AGAP1: variants seen among roughly 807,000 people sequenced by gnomAD.
AGAP1 encodes the protein arf-GAP with GTPase, ANK repeat and PH domain-containing protein 1.
A neutral mutation model predicts 105.3 loss-of-function variants in AGAP1; 29 were observed. That is an observed-to-expected ratio of 0.28 (90% CI 0.21 to 0.38). AGAP1 has a LOEUF of 0.38. Among genes scored for constraint, AGAP1 ranks in the 10% least tolerant of loss-of-function variants. The pLI is 1.00. For synonymous variants in AGAP1, 509 were observed against 485.9 expected, an observed-to-expected ratio of 1.05 and a Z score of -0.63; for missense variants, 998 against 1,165.1, an observed-to-expected ratio of 0.86 and a Z score of 2.09.
Position 235,983,629 on chromosome 2 carries a change from A to G in AGAP1, c.1645+15006A>G. On this transcript the variant is annotated intron_variant, in intron 13 of 17. Coordinates refer to ENST00000304032, the MANE Select transcript of AGAP1 (RefSeq NM_001037131.3). This position sits in a 1 kb window ranked among gnomAD's most constrained non-coding sequence, Gnocchi z 4.5. Reference sequence around the variant, plus strand: ...AGTAATGTGATGGTGGTCCCATGAGATTATAATACCGTGTCCTTACTGTGC... The same window carrying G: ...AGTAATGTGATGGTGGTCCCATGAGGTTATAATACCGTGTCCTTACTGTGC... Among the ~76,000 whole-genome samples the G allele has an allele frequency of 6.6e-6, 1 of 152,110 alleles. No individual in the cohort carries two copies. The highest frequency in any genetic ancestry group is 1.9e-4 in the East Asian group (1 of 5,182).
chr2:235,998,757 G>A (rs2055930356), intron 13 of AGAP1, among the ~76,000 whole-genome samples: 1 of 151,498 alleles, frequency 6.6e-6, no homozygotes, highest in Non-Finnish European at 1.5e-5. Context: ...TGGTACAGTG[G>A]TGATGATGGT....
At chr2:235,545,758 G>A (rs548487363) in intron 1 of AGAP1, among the ~76,000 whole-genome samples, 148 of 152,314 alleles carry the variant, frequency 9.7e-4, no homozygotes, top group Non-Finnish European at 1.5e-3. Flanking sequence ...CAGCCTGTGG[G>A]ATGTTGCTTT....
chr2:235,862,324 T>C (rs2048959815), intron 9 of AGAP1, among the ~76,000 whole-genome samples: 3 of 152,236 alleles, frequency 2.0e-5, no homozygotes. Context: ...CCAGTAGCAG[T>C]GGTAGCGGTC....
At chr2:235,738,619 G>T (rs1324467415) in intron 3 of AGAP1, among the ~76,000 whole-genome samples, 2 of 150,936 alleles carry the variant, frequency 1.3e-5, no homozygotes, top group Non-Finnish European at 3.0e-5. Flanking sequence ...GTGCAGTGGC[G>T]CAATCTCGGC....
intron 1 of AGAP1, among the ~76,000 whole-genome samples, chr2:235,634,095 G>C (rs932312396): frequency 6.6e-6 from 1 of 152,226 alleles, no homozygotes; most frequent in Non-Finnish European, 1.5e-5. Context: ...AGGCATGGGG[G>C]AAGCGGTAGC....
At chr2:235,803,685 T>G (rs1436366639) in intron 8 of AGAP1, among the ~76,000 whole-genome samples, 1 of 152,242 alleles carries the variant, frequency 6.6e-6, no homozygotes, top group East Asian at 1.9e-4. Flanking sequence ...GGCTAACATT[T>G]TGTGCTCCCA....
At chr2:235,674,412 C>T (rs1423104824) in intron 1 of AGAP1, among the ~76,000 whole-genome samples, 2 of 152,204 alleles carry the variant, frequency 1.3e-5, no homozygotes, top group African/African-American at 4.8e-5. Context: ...TCTCTGCATC[C>T]CAGTGGATGC....
At chr2:235,516,395 A>G (rs1470753755) in intron 1 of AGAP1, among the ~76,000 whole-genome samples, 1 of 151,888 alleles carries the variant, frequency 6.6e-6, no homozygotes, top group Non-Finnish European at 1.5e-5. Flanking sequence ...TTTCTCCTCC[A>G]CAGTACAGCT....
rs1233618941 is a variant in AGAP1 at position 235,982,965 on chromosome 2, A to G, written c.1645+14342A>G. Among the ~76,000 whole-genome samples, 1 of 152,060 alleles carries G rather than the reference A, an allele frequency of 6.6e-6. No homozygotes were observed. The highest frequency in any genetic ancestry group is 1.5e-5 in the Non-Finnish European group (1 of 67,990). On this transcript the variant is annotated intron_variant, in intron 13 of 17. Coordinates refer to ENST00000304032, the MANE Select transcript of AGAP1 (RefSeq NM_001037131.3). The surrounding 1 kb of genome is among the most constrained non-coding windows in gnomAD (Gnocchi z 4.9). ...ATAGGCCAAATCCAGTTCTTATTTTAATTTTTTTTCCCAACCCCTAAAAAG... is the reference window on the plus strand; with the variant it reads ...ATAGGCCAAATCCAGTTCTTATTTTGATTTTTTTTCCCAACCCCTAAAAAG...
chr2:235,966,516 C>G (rs1272763209), intron 12 of AGAP1, among the ~76,000 whole-genome samples: 1 of 152,080 alleles, frequency 6.6e-6, no homozygotes, highest in Non-Finnish European at 1.5e-5. Flanking sequence ...TAAGGATGTG[C>G]GTCCATAGGA....
Position 235,797,801 on chromosome 2 carries a change from C to G in AGAP1, c.716C>G (p.Ser239Cys), listed in dbSNP as rs1162119677. ...IVATRKKQQL[S>C]IGPCKSLPNS... ...GCCACAAGGAAGAAGCAGCAGCTGT[C>G]CATAGGACCCTGCAAGTCGCTACCT... is the stretch of plus-strand genomic sequence containing the variant. Residue 239 changes from serine to cysteine, a missense_variant, in exon 7 of 18, where the codon TCC (serine) becomes TGC (cysteine). By Grantham distance (112) the Ser-to-Cys change is moderately radical. Transcript: ENST00000304032. 6.2e-7 allele frequency: 1 copy of G among 1,614,214 alleles called. No individual in the cohort carries two copies. Among genetic ancestry groups the G allele is most frequent in the Admixed American group, 1.7e-5 (1 of 60,032 alleles).
chr2:235,620,508 G>A lies in AGAP1; in HGVS notation c.164-88671G>A, dbSNP rs1946442757. On this transcript the variant is annotated intron_variant, in intron 1 of 17. Coordinates refer to ENST00000304032, the MANE Select transcript of AGAP1 (RefSeq NM_001037131.3). The surrounding 1 kb of genome is among the most constrained non-coding windows in gnomAD (Gnocchi z 4.5). Reference sequence around the variant, plus strand: ...CATGTCTGCACTGCTTCCTCTTTTTGGAAAACCTTCCTGGGGGCCCTTGCA... The same window carrying A: ...CATGTCTGCACTGCTTCCTCTTTTTAGAAAACCTTCCTGGGGGCCCTTGCA... Among the ~76,000 whole-genome samples the A allele has an allele frequency of 6.6e-6, 1 of 152,064 alleles. No individual in the cohort carries two copies. Among genetic ancestry groups the A allele is most frequent in the Admixed American group, 6.6e-5 (1 of 15,260 alleles).
In AGAP1 at chr2:235,908,974, A is replaced by T; in HGVS notation, c.1324+68A>T. ...AACAGGTGGTCCAGGCTCGAGGATA[A>T]TGTTGGACTCCTAGGTTAAGTGGAG... On this transcript the variant is annotated intron_variant, in intron 11 of 17. Coordinates refer to ENST00000304032, the MANE Select transcript of AGAP1 (RefSeq NM_001037131.3). This position sits in a 1 kb window ranked among gnomAD's most constrained non-coding sequence, Gnocchi z 4.4. The T allele has an allele frequency of 6.7e-7, 1 of 1,490,692 alleles. No individual in the cohort carries two copies. Among genetic ancestry groups the T allele is most frequent in the Non-Finnish European group, 9.2e-7 (1 of 1,086,312 alleles). 92.3% of individuals were successfully genotyped at this position (1,490,692 alleles called of 1,614,324 possible).
chr2:235,728,604 G>A lies in AGAP1; in HGVS notation c.310+10960G>A, dbSNP rs1250663454. On this transcript the variant is annotated intron_variant, in intron 3 of 17. Transcript: ENST00000304032. This position sits in a 1 kb window ranked among gnomAD's most constrained non-coding sequence, Gnocchi z 4.3. ...GGTGCCTGCCCTGGGTCCGAAAGCT[G>A]GTGGTGGTCTGTTCTTGTTGTATGA... 6.6e-6 allele frequency among the ~76,000 whole-genome samples: 1 copy of A among 152,084 alleles called. No homozygotes were observed. The highest frequency in any genetic ancestry group is 1.5e-5 in the Non-Finnish European group (1 of 68,026).
chr2:235,807,037 A>G (rs574085285), intron 8 of AGAP1, among the ~76,000 whole-genome samples: 10 of 152,356 alleles, frequency 6.6e-5, no homozygotes, highest in African/African-American at 2.4e-4. Flanking sequence ...GTCAGGGGGA[A>G]AGTTTAGATG....
In AGAP1 at chr2:235,981,408, C is replaced by G. The variant is rs2055088253; in HGVS notation, c.1645+12785C>G. On this transcript the variant is annotated intron_variant, in intron 13 of 17. Coordinates refer to ENST00000304032, the MANE Select transcript of AGAP1 (RefSeq NM_001037131.3). This position sits in a 1 kb window ranked among gnomAD's most constrained non-coding sequence, Gnocchi z 5.5. Reference sequence around the variant, plus strand: ...TGTAGGCATGGTTACCAGAACACCCCTAAGAGAGCTGACCAGAATTTCTAA... The same window carrying G: ...TGTAGGCATGGTTACCAGAACACCCGTAAGAGAGCTGACCAGAATTTCTAA... Among the ~76,000 whole-genome samples the G allele has an allele frequency of 6.6e-6, 1 of 151,942 alleles. No individual in the cohort carries two copies. The highest frequency in any genetic ancestry group is 6.6e-5 in the Admixed American group (1 of 15,254).
intron 1 of AGAP1, among the ~76,000 whole-genome samples, chr2:235,585,003 C>T (rs2149197983): frequency 6.6e-6 from 1 of 150,866 alleles, no homozygotes; most frequent in East Asian, 2.0e-4. Context: ...CTGCTGCTGC[C>T]CCCGGCTTCT....
chr2:235,897,584 C>T (rs183168455), intron 10 of AGAP1, among the ~76,000 whole-genome samples: 65 of 152,186 alleles, frequency 4.3e-4, no homozygotes, highest in African/African-American at 1.4e-3. Flanking sequence ...CGTCTCTGGC[C>T]GTCCTTTGTA....
At chr2:235,846,721 C>G (rs1961538602) in intron 9 of AGAP1, among the ~76,000 whole-genome samples, 1 of 152,220 alleles carries the variant, frequency 6.6e-6, no homozygotes, top group Non-Finnish European at 1.5e-5. Context: ...ACTGCAGCCT[C>G]TAACTCCTGG....
Sources: allele counts gnomAD v4.1 joint callset (sites outside exome capture counted in the v4.1 genomes callset), GRCh38; gene constraint gnomAD v4.1.1; non-coding constraint Gnocchi (gnomAD v3.1); transcripts MANE v1.5; gene names NCBI Gene and HGNC (gene_info 2026-07-23, HGNC 2026-07-21).